Variants in NAPEPLD observed in about 807,000 individuals in gnomAD.
NAPEPLD encodes the protein N-acyl phosphatidylethanolamine phospholipase D.
In NAPEPLD, 23 loss-of-function variants were observed where a neutral mutation model predicts 38.1. The ratio of observed to expected loss-of-function variants is 0.60; its 90% confidence interval spans 0.43 to 0.86. The LOEUF (loss-of-function observed/expected upper bound fraction) is 0.86, where lower values mean the gene tolerates loss of function less well. Among genes scored for constraint, NAPEPLD ranks in the 40% least tolerant of loss-of-function variants. The pLI is 0.00. For synonymous variants in NAPEPLD, 147 were observed against 162.0 expected (o/e 0.91, Z 0.71); for missense variants, 411 against 476.8 (o/e 0.86, Z 1.28).
chr7:103,104,424 C>T (rs916324267), intron 4 of NAPEPLD, among the ~76,000 whole-genome samples: 1 of 152,040 alleles, frequency 6.6e-6, no homozygotes, highest in African/African-American at 2.4e-5. Context: ...TCAGAGCAAG[C>T]GGAGAGGAGG....
chr7:103,140,899 G>A (rs1811165157), intron 1 of NAPEPLD, among the ~76,000 whole-genome samples: 1 of 152,154 alleles, frequency 6.6e-6, no homozygotes, highest in Admixed American at 6.6e-5. Context: ...TTTTCCCAGA[G>A]CTTGAAGCTC....
At chr7:103,119,532 T>G in intron 3 of NAPEPLD, 45 bp downstream of exon 3, 1 of 1,543,336 alleles carries the variant, frequency 6.5e-7, no homozygotes, top group Non-Finnish European at 8.7e-7. Flanking sequence ...TAAATTCAGT[T>G]AATTTATCAC....
At chr7:103,135,217 C>A (rs903221672) in intron 1 of NAPEPLD, among the ~76,000 whole-genome samples, 1 of 152,164 alleles carries the variant, frequency 6.6e-6, no homozygotes, top group African/African-American at 2.4e-5. Flanking sequence ...GACTAAATAA[C>A]ATTAAACTTA....
chr7:103,145,425 A>G (rs1812330329), intron 1 of NAPEPLD, among the ~76,000 whole-genome samples: 1 of 152,238 alleles, frequency 6.6e-6, no homozygotes, highest in South Asian at 2.1e-4. Flanking sequence ...GTGAGACACT[A>G]TATGAGGAAA....
chr7:103,139,853 G>C (rs975227918), intron 1 of NAPEPLD, among the ~76,000 whole-genome samples: 6 of 152,104 alleles, frequency 3.9e-5, no homozygotes, highest in Non-Finnish European at 7.3e-5. Flanking sequence ...TAAATAACAG[G>C]GTCAGAGTGA....
At chr7:103,114,100 T>G (rs1398553087) in intron 4 of NAPEPLD, among the ~76,000 whole-genome samples, 1 of 151,826 alleles carries the variant, frequency 6.6e-6, no homozygotes, top group Non-Finnish European at 1.5e-5. Context: ...TTTCGCCATG[T>G]TGGCCAGGCT....
At chr7:103,104,118 TGA>T (rs1802832808) in intron 4 of NAPEPLD, among the ~76,000 whole-genome samples, 1 of 152,160 alleles carries the variant, frequency 6.6e-6, no homozygotes, top group Admixed American at 6.5e-5. Flanking sequence ...GATTTTGCCC[TGA>T]GGAATTGCTA....
intron 4 of NAPEPLD, among the ~76,000 whole-genome samples, chr7:103,109,796 A>G (rs565780516): frequency 8.6e-5 from 13 of 151,862 alleles, no homozygotes; most frequent in South Asian, 6.3e-4. Context: ...AAAAAAATCA[A>G]TGAATCCAGG....
chr7:103,119,623 C>T lies in NAPEPLD; in HGVS notation c.895G>A (p.Gly299Arg), dbSNP rs1383241877. The change falls in exon 3 of 5, where the codon GGA (glycine) becomes AGA (arginine). Residue 299 changes from glycine to arginine, a missense_variant. Transcript: ENST00000465647. ...PAFEEIGKRFGPFDLAAIPIG... is the reference protein window; with the variant it reads ...PAFEEIGKRFRPFDLAAIPIG... ...GGAATAGCTGCAAGGTCAAAAGGTC[C>T]AAATCTTTTTCCTATCTCTTCAAAA... 6.2e-7 allele frequency: 1 copy of T among 1,613,862 alleles called. No individual in the cohort carries two copies. The highest frequency in any genetic ancestry group is 1.7e-5 in the Admixed American group (1 of 59,970).
At chr7:103,145,486 T>C (rs1812348986) in intron 1 of NAPEPLD, among the ~76,000 whole-genome samples, 2 of 152,246 alleles carry the variant, frequency 1.3e-5, no homozygotes, top group South Asian at 2.1e-4. Flanking sequence ...GTATTTCATA[T>C]CTGTGAAATG....
At chr7:103,125,785 G>A (rs879817840) in intron 2 of NAPEPLD, among the ~76,000 whole-genome samples, 1 of 151,996 alleles carries the variant, frequency 6.6e-6, no homozygotes, top group African/African-American at 2.4e-5. Flanking sequence ...TACTCACAAG[G>A]CTGAGGCAGA....
chr7:103,102,034 G>A lies in NAPEPLD; in HGVS notation c.*1395C>T. ...CCCCCCAACCACTGGCATTCATACTGGCTTACCAAAAGAATCATGCTTAAG... is the reference window on the plus strand; with the variant it reads ...CCCCCCAACCACTGGCATTCATACTAGCTTACCAAAAGAATCATGCTTAAG... On this transcript the variant is annotated 3_prime_UTR_variant, in exon 5 of 5. Coordinates refer to ENST00000465647, the MANE Select transcript of NAPEPLD (RefSeq NM_001122838.3). The A allele has an allele frequency of 8.9e-6, 1 of 112,018 alleles. No homozygotes were observed. Among genetic ancestry groups the A allele is most frequent in the Non-Finnish European group, 1.6e-5 (1 of 60,964 alleles). The allele number at this position is 112,018 out of a possible 1,614,324, so 6.9% of individuals were successfully genotyped here. A position where few individuals can be genotyped will look rare whatever the true frequency, so the allele number is the denominator to read the frequency against.
At chr7:103,108,796 A>C (rs1186555273) in intron 4 of NAPEPLD, among the ~76,000 whole-genome samples, 1 of 152,256 alleles carries the variant, frequency 6.6e-6, no homozygotes, top group Non-Finnish European at 1.5e-5. Flanking sequence ...ACAGACTGGT[A>C]AACTGGATAA....
intron 1 of NAPEPLD, among the ~76,000 whole-genome samples, chr7:103,145,436 G>C (rs747307466): frequency 6.6e-6 from 1 of 152,196 alleles, no homozygotes; most frequent in South Asian, 2.1e-4. Flanking sequence ...TATGAGGAAA[G>C]ATTGAGAAAG....
intron 1 of NAPEPLD, among the ~76,000 whole-genome samples, chr7:103,129,868 C>T (rs953542120): frequency 3.6e-4 from 55 of 152,280 alleles, no homozygotes; most frequent in African/African-American, 1.3e-3. Context: ...TAGTAACACA[C>T]ACATAAACCC....
chr7:103,115,552 T>C (rs1271787321), intron 3 of NAPEPLD, among the ~76,000 whole-genome samples: 1 of 152,226 alleles, frequency 6.6e-6, no homozygotes, highest in African/African-American at 2.4e-5. Flanking sequence ...CACGTATATT[T>C]TGATTTTACT....
chr7:103,108,623 G>C (rs1383998275), intron 4 of NAPEPLD, among the ~76,000 whole-genome samples: 2 of 152,188 alleles, frequency 1.3e-5, no homozygotes, highest in African/African-American at 4.8e-5. Flanking sequence ...ACCAGTATAA[G>C]CCACTGCAAA....
rs191301767 is a variant in NAPEPLD, at chr7:103,119,078, C to A, written c.941+499G>T. The stretch of plus-strand genomic sequence containing the variant: ...AAGGTGGTTATATAAAGAAAGTATT[C>A]TCCATGTGAAAGAATAAGAGTAGGT... On this transcript the variant is annotated intron_variant, in intron 3 of 4. Coordinates refer to ENST00000465647, the MANE Select transcript of NAPEPLD (RefSeq NM_001122838.3). Among the ~76,000 whole-genome samples, 943 of 152,318 alleles carry A rather than the reference C, an allele frequency of 6.2e-3. 4 individuals are homozygous for A. The highest frequency in any genetic ancestry group is 9.2e-3 in the Non-Finnish European group (625 of 68,030).
At chr7:103,105,276 G>A (rs1262969299) in intron 4 of NAPEPLD, among the ~76,000 whole-genome samples, 1 of 152,092 alleles carries the variant, frequency 6.6e-6, no homozygotes, top group African/African-American at 2.4e-5. Flanking sequence ...ATGAGTAAAT[G>A]GGAAAAGCAG....
Sources: gnomAD v4.1 joint callset for allele counts (sites outside exome capture counted in the v4.1 genomes callset) on GRCh38, gnomAD v4.1.1 for gene constraint, MANE v1.5 for transcripts, NCBI Gene and HGNC (gene_info 2026-07-23, HGNC 2026-07-21) for gene names.